The following ZBTB20 variants were observed in gnomAD, a reference collection of about 807,000 sequenced individuals.
ZBTB20 encodes the protein zinc finger and BTB domain-containing protein 20.
A neutral mutation model predicts 56.9 loss-of-function variants in ZBTB20; 9 were observed. The ratio of observed to expected loss-of-function variants is 0.16; its 90% CI spans 0.10 to 0.28. ZBTB20 has a LOEUF of 0.28. Ranked by LOEUF, ZBTB20 falls within the 10% of genes least tolerant of loss-of-function variation. The pLI is 1.00. For synonymous variants in ZBTB20, 417 were observed against 420.7 expected, an observed-to-expected ratio of 0.99 and a Z score of 0.11; for missense variants, 655 against 1,003.0, an observed-to-expected ratio of 0.65 and a Z score of 4.69.
chr3:114,569,736 C>T (rs145439895), intron 6 of ZBTB20, among the ~76,000 whole-genome samples: 4 of 152,210 alleles, frequency 2.6e-5, no homozygotes, highest in African/African-American at 9.6e-5. Flanking sequence ...TTTTGTTTTC[C>T]CTCATTTACT....
chr3:114,686,213 T>C (rs764154751), intron 6 of ZBTB20, among the ~76,000 whole-genome samples: 14 of 152,166 alleles, frequency 9.2e-5, no homozygotes, highest in South Asian at 2.1e-4. Context: ...TAAGATAGGG[T>C]AGGGTAACAG....
chr3:114,984,318 CA>C lies in ZBTB20; in HGVS notation c.-506-9903del, dbSNP rs539547276. Reference sequence around the variant, plus strand: ...ATGTGCACAATGCGCAGTTTAGTTACATATGTATACATGTGCCTTGTTGGTG... The same window carrying C: ...ATGTGCACAATGCGCAGTTTAGTTACTATGTATACATGTGCCTTGTTGGTG... On this transcript the variant is annotated intron_variant, in intron 2 of 11. Coordinates refer to ENST00000675478, the MANE Select transcript of ZBTB20 (RefSeq NM_001348800.3). Among the ~76,000 whole-genome samples the C allele has an allele frequency of 9.6e-4, 146 of 152,116 alleles. 1 individual carries two copies. The highest frequency in any genetic ancestry group is 3.4e-3 in the African/African-American group (141 of 41,544).
At chr3:114,569,430 C>T (rs147871233) in intron 6 of ZBTB20, among the ~76,000 whole-genome samples, 1 of 152,328 alleles carries the variant, frequency 6.6e-6, no homozygotes, top group East Asian at 1.9e-4. Flanking sequence ...GTTTGGCAGA[C>T]ATTCAGTTTC....
chr3:114,663,444 G>A (rs1174866275), intron 6 of ZBTB20, among the ~76,000 whole-genome samples: 3 of 147,550 alleles, frequency 2.0e-5, no homozygotes, highest in East Asian at 2.0e-4. Flanking sequence ...ATGCCAAAAT[G>A]TAAAGACCAT....
intron 4 of ZBTB20, among the ~76,000 whole-genome samples, chr3:114,805,833 G>A (rs2072064146): frequency 6.6e-6 from 1 of 151,660 alleles, no homozygotes; most frequent in African/African-American, 2.4e-5. Flanking sequence ...TTTTATTAAT[G>A]CAATCAAATA....
At chr3:114,433,669 G>T (rs925031509) in intron 7 of ZBTB20, among the ~76,000 whole-genome samples, 12 of 152,136 alleles carry the variant, frequency 7.9e-5, no homozygotes, top group Non-Finnish European at 1.8e-4. Flanking sequence ...TGTAAGTACA[G>T]TCTCTGTATT....
At chr3:114,345,247 T>A (rs1428826431) in intron 11 of ZBTB20, among the ~76,000 whole-genome samples, 1 of 152,208 alleles carries the variant, frequency 6.6e-6, no homozygotes, top group African/African-American at 2.4e-5. Context: ...AAGTGTGATA[T>A]ACATGTATAT....
chr3:114,676,577 T>G (rs1578284607), intron 6 of ZBTB20, among the ~76,000 whole-genome samples: 1 of 152,268 alleles, frequency 6.6e-6, no homozygotes, highest in East Asian at 1.9e-4. Context: ...TATGTTGAAC[T>G]CTTAGATGTC....
chr3:115,115,877 G>A (rs909851856), intron 1 of ZBTB20, among the ~76,000 whole-genome samples: 11 of 151,926 alleles, frequency 7.2e-5, no homozygotes, highest in Admixed American at 6.6e-4. Flanking sequence ...TACACTGAGG[G>A]TGACATTCTT....
In ZBTB20 at chr3:114,327,059, T is replaced by C. The variant is rs528000122; in HGVS notation, c.*11946A>G. On this transcript the variant is annotated 3_prime_UTR_variant, in exon 12 of 12. Transcript: ENST00000675478. ...ATATATACTATAGTGTTTCTGTCTATTATTTTGATGCATTAGTTACTGTTA... is the reference window on the plus strand; with the variant it reads ...ATATATACTATAGTGTTTCTGTCTACTATTTTGATGCATTAGTTACTGTTA... The C allele has an allele frequency of 6.6e-6, 1 of 152,294 alleles. No homozygotes were observed. The highest frequency in any genetic ancestry group is 1.9e-4 in the East Asian group (1 of 5,184). The allele number at this position is 152,294 out of a possible 1,614,324, so 9.4% of individuals were successfully genotyped here. A position where few individuals can be genotyped will look rare whatever the true frequency, so the allele number is the denominator to read the frequency against.
intron 6 of ZBTB20, among the ~76,000 whole-genome samples, chr3:114,548,052 A>G (rs1425011358): frequency 6.6e-6 from 1 of 152,238 alleles, no homozygotes; most frequent in African/African-American, 2.4e-5. Flanking sequence ...CCAGTGAATA[A>G]GATGGCTTTT....
At chr3:114,718,993 A>G (rs2064712047) in intron 5 of ZBTB20, among the ~76,000 whole-genome samples, 1 of 151,936 alleles carries the variant, frequency 6.6e-6, no homozygotes. Flanking sequence ...ATCCCTGATT[A>G]TCAACTAACA....
intron 4 of ZBTB20, among the ~76,000 whole-genome samples, chr3:114,844,438 T>G (rs972324972): frequency 8.4e-6 from 1 of 119,008 alleles, no homozygotes; most frequent in Admixed American, 1.1e-4. Flanking sequence ...GGAGGATCAC[T>G]TGAGCCCAGG....
chr3:114,620,423 G>T (rs2058243586), intron 6 of ZBTB20, among the ~76,000 whole-genome samples: 1 of 152,210 alleles, frequency 6.6e-6, no homozygotes, highest in East Asian at 1.9e-4. Flanking sequence ...CTCCCGAGCA[G>T]CTAGGATTAC....
chr3:114,696,139 C>T (rs867641319), intron 5 of ZBTB20, among the ~76,000 whole-genome samples: 8 of 152,090 alleles, frequency 5.3e-5, no homozygotes, highest in African/African-American at 1.7e-4. Context: ...GAGAACCTCA[C>T]ATTTGGGCAA....
intron 4 of ZBTB20, among the ~76,000 whole-genome samples, chr3:114,882,088 G>C (rs1190494303): frequency 6.6e-6 from 1 of 151,622 alleles, no homozygotes; most frequent in Admixed American, 6.6e-5. Flanking sequence ...AATATACAAA[G>C]AGGCTATACA....
chr3:115,133,064 A>G (rs1413547500), intron 1 of ZBTB20, among the ~76,000 whole-genome samples: 3 of 152,292 alleles, frequency 2.0e-5, no homozygotes, highest in African/African-American at 7.2e-5. Flanking sequence ...ATATTAAATT[A>G]TGGAATATTT....
rs1264672335 is a variant in ZBTB20, at chr3:114,317,971, G to C, written c.*21034C>G. 1 of 152,092 alleles carries C rather than the reference G, an allele frequency of 6.6e-6. No individual in the cohort carries two copies. The highest frequency in any genetic ancestry group is 1.5e-5 in the Non-Finnish European group (1 of 68,032). 9.4% of individuals were successfully genotyped at this position (152,092 alleles called of 1,614,324 possible). The stretch of plus-strand genomic sequence containing the variant: ...TCTGTCATTGACAGTCTCAAGATTC[G>C]GCTGCTTTAGAGTCCAGAAAGGAAT... On this transcript the variant is annotated 3_prime_UTR_variant, in exon 12 of 12. Coordinates refer to ENST00000675478, the MANE Select transcript of ZBTB20 (RefSeq NM_001348800.3).
chr3:114,445,896 G>T (rs2091239589), intron 7 of ZBTB20, among the ~76,000 whole-genome samples: 1 of 152,102 alleles, frequency 6.6e-6, no homozygotes, highest in Non-Finnish European at 1.5e-5. Context: ...GTTCTATATT[G>T]ATCAATTAAC....
Sources: allele counts gnomAD v4.1 joint callset (sites outside exome capture counted in the v4.1 genomes callset), GRCh38; gene constraint gnomAD v4.1.1; transcripts MANE v1.5; gene names NCBI Gene and HGNC (gene_info 2026-07-23, HGNC 2026-07-21).